The following ADAMTS12 variants were observed in gnomAD, a reference collection of about 807,000 sequenced individuals.
ADAMTS12 encodes A disintegrin and metalloproteinase with thrombospondin motifs 12.
In ADAMTS12, 118 loss-of-function variants were observed where a neutral mutation model predicts 167.8. The observed-to-expected ratio is 0.70, with a 90% CI of 0.61 to 0.82. The LOEUF is 0.82. ADAMTS12 is among the 40% of genes least tolerant of loss of function. The probability of loss-of-function intolerance (pLI) is 0.00; values close to 1 mark genes in which losing one functional copy is unlikely to be tolerated. For synonymous variants in ADAMTS12, 704 were observed against 716.9 expected (o/e 0.98, Z 0.29); for missense variants, 1,916 against 1,998.8 (o/e 0.96, Z 0.79).
chr5:33,887,856 T>C (rs1750692688), intron 1 of ADAMTS12, among the ~76,000 whole-genome samples: 1 of 152,094 alleles, frequency 6.6e-6, no homozygotes, highest in Non-Finnish European at 1.5e-5. Context: ...GAGATTTTCC[T>C]GCCTCAGCCT....
rs371409097 is a variant in ADAMTS12 at position 33,576,680 on chromosome 5, C to T, written c.3346G>A (p.Glu1116Lys). 3.7e-6 allele frequency: 6 copies of T among 1,614,098 alleles called. No homozygotes were observed. The African/African-American group carries it at 8.0e-5, about 22-fold the overall frequency. ...VSSSDTGPTS[E>K]GGLVATTTSG... is the part of the protein sequence containing the mutation. Reference sequence around the variant, plus strand: ...GTTGTTGTAGCTACAAGGCCTCCCTCCGAGGTAGGACCAGTATCTGAACTG... The same window carrying T: ...GTTGTTGTAGCTACAAGGCCTCCCTTCGAGGTAGGACCAGTATCTGAACTG... The change falls in exon 19 of 24, where the codon GAG (glutamate) becomes AAG (lysine). Residue 1116 changes from glutamate to lysine, a missense_variant. Transcript: ENST00000504830.
At chr5:33,595,391 G>T (rs1215983706) in intron 17 of ADAMTS12, among the ~76,000 whole-genome samples, 2 of 152,118 alleles carry the variant, frequency 1.3e-5, no homozygotes, top group Non-Finnish European at 2.9e-5. Context: ...AGTTCTACTA[G>T]CATCTAAGTA....
At chr5:33,620,186 T>C (rs946935636) in intron 14 of ADAMTS12, among the ~76,000 whole-genome samples, 9 of 152,266 alleles carry the variant, frequency 5.9e-5, no homozygotes, top group African/African-American at 2.2e-4. Context: ...TTCATTTATC[T>C]TGAAGTAGCA....
intron 17 of ADAMTS12, among the ~76,000 whole-genome samples, chr5:33,590,129 A>G (rs1409285590): frequency 6.6e-6 from 1 of 152,256 alleles, no homozygotes. Context: ...AAAGGAGGGC[A>G]GGCCAAGGGA....
At chr5:33,811,932 T>G (rs1157357073) in intron 2 of ADAMTS12, among the ~76,000 whole-genome samples, 1 of 151,014 alleles carries the variant, frequency 6.6e-6, no homozygotes, top group Non-Finnish European at 1.5e-5. Flanking sequence ...ACTTGGGAGG[T>G]GAGAGGAAGA....
At chr5:33,805,756 G>T (rs1579952038) in intron 2 of ADAMTS12, among the ~76,000 whole-genome samples, 1 of 152,150 alleles carries the variant, frequency 6.6e-6, no homozygotes, top group East Asian at 1.9e-4. Context: ...TGGGTGCAGT[G>T]GTTTATGCCT....
At chr5:33,751,687 T>C (rs1579905340) in intron 2 of ADAMTS12, 139 bp from the exon 3 acceptor site, 2 of 744,108 alleles carry the variant, frequency 2.7e-6, no homozygotes, top group South Asian at 1.9e-5. Context: ...TTCGATCTCA[T>C]AGAAGAGTTA....
intron 2 of ADAMTS12, among the ~76,000 whole-genome samples, chr5:33,785,134 G>C (rs1462885068): frequency 6.6e-6 from 1 of 151,952 alleles, no homozygotes; most frequent in East Asian, 1.9e-4. Context: ...AAAGAATGAT[G>C]ATGGACACCT....
At chr5:33,748,851 C>G (rs1744880969) in intron 3 of ADAMTS12, among the ~76,000 whole-genome samples, 1 of 152,100 alleles carries the variant, frequency 6.6e-6, no homozygotes, top group Non-Finnish European at 1.5e-5. Flanking sequence ...CTGCAATGAC[C>G]TGGTTCAGCA....
chr5:33,729,082 G>T lies in ADAMTS12; in HGVS notation c.634+22322C>A, dbSNP rs118172589. ...ATTAACAATATTAGCTTGGTATGATGATGACAGCATACTGATATTTTATAT... is the reference window on the plus strand; with the variant it reads ...ATTAACAATATTAGCTTGGTATGATTATGACAGCATACTGATATTTTATAT... On this transcript the variant is annotated intron_variant, in intron 3 of 23. Transcript: ENST00000504830. Among the ~76,000 whole-genome samples, 93 of 152,298 alleles carry T rather than the reference G, an allele frequency of 6.1e-4. 2 individuals carry two copies. The East Asian group carries it at 0.016, about 27-fold the overall frequency.
chr5:33,853,754 G>C (rs1203002987), intron 2 of ADAMTS12, among the ~76,000 whole-genome samples: 1 of 152,228 alleles, frequency 6.6e-6, no homozygotes, highest in African/African-American at 2.4e-5. Context: ...ATTAGTGTCT[G>C]TGTTTAATGG....
At chr5:33,561,328 A>G in intron 19 of ADAMTS12, 149 bp from the exon 20 acceptor site, 1 of 940,022 alleles carries the variant, frequency 1.1e-6, no homozygotes. Flanking sequence ...GGGGCACCCC[A>G]CTCACACAAA....
intron 22 of ADAMTS12, among the ~76,000 whole-genome samples, chr5:33,542,683 C>A (rs550100105): frequency 1.3e-5 from 2 of 152,310 alleles, no homozygotes; most frequent in South Asian, 4.1e-4. Flanking sequence ...ACAGTGCAAT[C>A]AAATTAGAAT....
intron 5 of ADAMTS12, among the ~76,000 whole-genome samples, chr5:33,663,934 G>C (rs1310886762): frequency 6.6e-6 from 1 of 151,978 alleles, no homozygotes; most frequent in Non-Finnish European, 1.5e-5. Flanking sequence ...GAAATACTTA[G>C]GTATAAATTA....
chr5:33,634,591 T>C (rs1196482521), intron 12 of ADAMTS12, among the ~76,000 whole-genome samples: 1 of 152,128 alleles, frequency 6.6e-6, no homozygotes, highest in African/African-American at 2.4e-5. Context: ...AAATGAAAAC[T>C]TGTCACTCTG....
At chr5:33,582,870 A>G (rs1747138895) in intron 18 of ADAMTS12, among the ~76,000 whole-genome samples, 2 of 152,248 alleles carry the variant, frequency 1.3e-5, no homozygotes, top group Admixed American at 6.5e-5. Flanking sequence ...GGTACATAGT[A>G]GGTGTATATA....
At chr5:33,786,459 A>G (rs1186292772) in intron 2 of ADAMTS12, among the ~76,000 whole-genome samples, 2 of 136,056 alleles carry the variant, frequency 1.5e-5, no homozygotes, top group Admixed American at 7.1e-5. Flanking sequence ...TCATCTAAGA[A>G]GCTTTTTTTT....
chr5:33,707,083 G>A (rs1743229650), intron 3 of ADAMTS12, among the ~76,000 whole-genome samples: 1 of 152,148 alleles, frequency 6.6e-6, no homozygotes, highest in Non-Finnish European at 1.5e-5. Flanking sequence ...AACACCTTAA[G>A]CTGATAAGCA....
chr5:33,609,344 A>C (rs1738603871), intron 16 of ADAMTS12, among the ~76,000 whole-genome samples: 1 of 151,302 alleles, frequency 6.6e-6, no homozygotes, highest in South Asian at 2.1e-4. Flanking sequence ...AAAACACACA[A>C]AATTCATTAT....
Sources: allele counts gnomAD v4.1 joint callset (sites outside exome capture counted in the v4.1 genomes callset), GRCh38; gene constraint gnomAD v4.1.1; transcripts MANE v1.5; gene names NCBI Gene and HGNC (gene_info 2026-07-23, HGNC 2026-07-21).